Variants in CAMK4 observed in about 807,000 individuals in gnomAD.
CAMK4 encodes calcium/calmodulin dependent protein kinase IV.
In CAMK4, 22 loss-of-function variants were observed where a neutral mutation model predicts 44.9. That is an observed-to-expected ratio of 0.49 (90% CI 0.35 to 0.70). The LOEUF (loss-of-function observed/expected upper bound fraction) is 0.70, where lower values mean the gene tolerates loss of function less well. Ranked by LOEUF, CAMK4 falls within the 30% of genes least tolerant of loss-of-function variation. The pLI is 0.01. For missense variants in CAMK4, 498 were observed against 586.8 expected, an observed-to-expected ratio of 0.85 and a Z score of 1.56; for synonymous variants, 218 against 215.4, an observed-to-expected ratio of 1.01 and a Z score of -0.11.
At chr5:111,424,434 CTTTTTTTTTTTT>C (rs34618322) in intron 5 of CAMK4, among the ~76,000 whole-genome samples, 10 of 64,906 alleles carry the variant, frequency 1.5e-4, no homozygotes, top group South Asian at 7.2e-4. Flanking sequence ...ATCTTCTATT[CTTTTTTTTTTTT>C]TTTTTTTTTT....
In CAMK4 at chr5:111,394,698, T is replaced by G; in HGVS notation, c.387-12T>G. On this transcript the variant is annotated splice_polypyrimidine_tract_variant and intron_variant, in intron 4 of 10. Coordinates refer to ENST00000282356, the MANE Select transcript of CAMK4 (RefSeq NM_001744.6). ...ATGTGCCTGAGAAGCATTTCCTTTC[T>G]TTTTGTTCCAGGATTGTGGAAAAGG... 1 of 1,599,590 alleles carries G rather than the reference T, an allele frequency of 6.3e-7. No individual in the cohort carries two copies.
chr5:111,300,230 C>T (rs910602204), intron 1 of CAMK4, among the ~76,000 whole-genome samples: 28 of 152,098 alleles, frequency 1.8e-4, no homozygotes, highest in Non-Finnish European at 3.8e-4. Flanking sequence ...AGCTGTGAAA[C>T]GAGACAGAAT....
At chr5:111,399,276 C>T (rs1752136522) in intron 5 of CAMK4, among the ~76,000 whole-genome samples, 2 of 152,102 alleles carry the variant, frequency 1.3e-5, no homozygotes, top group African/African-American at 4.8e-5. Flanking sequence ...CTCTTCATGT[C>T]TTTCTATGGC....
chr5:111,355,559 A>T (rs1012306682), intron 2 of CAMK4, among the ~76,000 whole-genome samples: 1 of 150,446 alleles, frequency 6.6e-6, no homozygotes, highest in South Asian at 2.1e-4. Context: ...TGTGCAGGTT[A>T]GTTACATATG....
chr5:111,334,596 A>G (rs1749317787), intron 1 of CAMK4, among the ~76,000 whole-genome samples: 1 of 151,748 alleles, frequency 6.6e-6, no homozygotes, highest in South Asian at 2.1e-4. Context: ...CTAAAAGTCA[A>G]TAAAAAGAAG....
chr5:111,347,957 A>C (rs1443810678), intron 2 of CAMK4, among the ~76,000 whole-genome samples: 1 of 152,022 alleles, frequency 6.6e-6, no homozygotes, highest in Non-Finnish European at 1.5e-5. Context: ...TAATAAGGAA[A>C]CCCATCTAAT....
chr5:111,358,347 G>C (rs191927023), intron 2 of CAMK4, among the ~76,000 whole-genome samples: 3 of 152,170 alleles, frequency 2.0e-5, no homozygotes, highest in Non-Finnish European at 4.4e-5. Context: ...TAGGTGGGAT[G>C]CAGTATGAAC....
At chr5:111,435,384 T>G (rs945463002) in intron 5 of CAMK4, among the ~76,000 whole-genome samples, 10 of 152,078 alleles carry the variant, frequency 6.6e-5, no homozygotes, top group African/African-American at 1.9e-4. Flanking sequence ...TAATATTATT[T>G]AATATATAAA....
At chr5:111,382,689 G>A (rs1751462502) in intron 4 of CAMK4, among the ~76,000 whole-genome samples, 2 of 152,060 alleles carry the variant, frequency 1.3e-5, no homozygotes, top group African/African-American at 4.8e-5. Flanking sequence ...GGATCAGAGA[G>A]GTCTGTTAAC....
At chr5:111,254,415 T>C (rs1749649250) in intron 1 of CAMK4, among the ~76,000 whole-genome samples, 1 of 152,234 alleles carries the variant, frequency 6.6e-6, no homozygotes, top group Admixed American at 6.5e-5. Flanking sequence ...AATCCCTTCC[T>C]GGAGGTGGAG....
At chr5:111,364,501 G>A (rs1750715641) in intron 2 of CAMK4, among the ~76,000 whole-genome samples, 1 of 152,086 alleles carries the variant, frequency 6.6e-6, no homozygotes, top group Admixed American at 6.6e-5. Flanking sequence ...TCTGGTATCT[G>A]CAAGCACATA....
At chr5:111,436,819 A>C (rs1488395075) in intron 5 of CAMK4, among the ~76,000 whole-genome samples, 2 of 152,216 alleles carry the variant, frequency 1.3e-5, no homozygotes, top group Admixed American at 1.3e-4. Flanking sequence ...AGGGTACTGA[A>C]GAGAAAACTA....
chr5:111,442,517 CATATAT>C (rs58032491), intron 5 of CAMK4, among the ~76,000 whole-genome samples: 12,990 of 141,960 alleles, frequency 0.092, 1,614 homozygotes, highest in African/African-American at 0.28. Flanking sequence ...AAAACCAAAA[CATATAT>C]ATATATATAT....
intron 7 of CAMK4, among the ~76,000 whole-genome samples, chr5:111,471,855 A>G (rs1164269789): frequency 6.6e-6 from 1 of 152,142 alleles, no homozygotes; most frequent in African/African-American, 2.4e-5. Flanking sequence ...GTAAATCCAC[A>G]GTCCCATGAG....
rs563063713 is a variant in CAMK4, at chr5:111,247,389, T to A, written c.161+22745T>A. On this transcript the variant is annotated intron_variant, in intron 1 of 10. Coordinates refer to ENST00000282356, the MANE Select transcript of CAMK4 (RefSeq NM_001744.6). Reference sequence around the variant, plus strand: ...TTTTAATAAACTTATAAATGGAACTTATTTTATATTTATATATAAATTTAT... The same window carrying A: ...TTTTAATAAACTTATAAATGGAACTAATTTTATATTTATATATAAATTTAT... Among the ~76,000 whole-genome samples, 41 of 147,598 alleles carry A rather than the reference T, an allele frequency of 2.8e-4. No individual in the cohort carries two copies. The East Asian group carries it at 7.8e-3, about 28-fold the overall frequency.
intron 1 of CAMK4, among the ~76,000 whole-genome samples, chr5:111,311,121 A>G (rs1748184720): frequency 1.3e-5 from 2 of 152,262 alleles, no homozygotes; most frequent in South Asian, 4.1e-4. Context: ...GGGTGAAGGT[A>G]AAATCTTAAA....
chr5:111,428,007 A>C (rs147950547), intron 5 of CAMK4, among the ~76,000 whole-genome samples: 1 of 152,238 alleles, frequency 6.6e-6, no homozygotes, highest in Admixed American at 6.5e-5. Context: ...TGCTTGTGTC[A>C]CTCCATCCCC....
At chr5:111,337,391 T>C (rs892948047) in intron 1 of CAMK4, among the ~76,000 whole-genome samples, 3 of 151,168 alleles carry the variant, frequency 2.0e-5, no homozygotes, top group African/African-American at 4.8e-5. Context: ...ACATAGGTCA[T>C]ATGATATGTT....
At chr5:111,416,545 T>C (rs1457780617) in intron 5 of CAMK4, 1 of 152,196 alleles carries the variant, frequency 6.6e-6, no homozygotes, top group Non-Finnish European at 1.5e-5. Context: ...CCTCAAGATG[T>C]TGGATATACC....
Sources: allele counts gnomAD v4.1 joint callset (sites outside exome capture counted in the v4.1 genomes callset), GRCh38; gene constraint gnomAD v4.1.1; transcripts MANE v1.5; gene names NCBI Gene and HGNC (gene_info 2026-07-23, HGNC 2026-07-21).